The following ZNF33B variants were observed in gnomAD, a reference collection of about 807,000 sequenced individuals.
ZNF33B encodes the protein zinc finger protein 11b (KOX 2).
ZNF33B carries 29 observed loss-of-function variants against 45.8 expected under a neutral mutation model. The ratio of observed to expected loss-of-function variants is 0.63; its 90% CI spans 0.47 to 0.86. The LOEUF (loss-of-function observed/expected upper bound fraction) is 0.86, where lower values mean the gene tolerates loss of function less well. ZNF33B is among the 40% of genes least tolerant of loss of function. The pLI, the probability that ZNF33B is intolerant of heterozygous loss-of-function variation, is 0.00. For synonymous variants in ZNF33B, 305 were observed against 307.8 expected (o/e 0.99, Z 0.10); for missense variants, 831 against 909.9 (o/e 0.91, Z 1.12).
intron 4 of ZNF33B, among the ~76,000 whole-genome samples, chr10:42,606,993 T>TTTGAGCATG (rs1837888099): frequency 6.6e-6 from 1 of 152,160 alleles, no homozygotes; most frequent in Non-Finnish European, 1.5e-5. Flanking sequence ...AAGCATTTCC[T>TTTGAGCATG]TTGAGCATGT....
In ZNF33B at chr10:42,592,473, A is replaced by C. The variant is rs1837170553; in HGVS notation, c.*140T>G. ...GTTGTAGTCTATGGGTTTATCCCCT[A>C]CTGTTACTTTGGAGTAACATAAGGC... On this transcript the variant is annotated 3_prime_UTR_variant, in exon 5 of 5. Coordinates refer to ENST00000359467, the MANE Select transcript of ZNF33B (RefSeq NM_006955.3). 6 of 1,190,018 alleles carry C rather than the reference A, an allele frequency of 5.0e-6. No homozygotes were observed. In the South Asian group the frequency reaches 7.6e-5, roughly 15 times the overall value. The allele number at this position is 1,190,018 out of a possible 1,614,324, so 73.7% of individuals were successfully genotyped here. A position where few individuals can be genotyped will look rare whatever the true frequency, so the allele number is the denominator to read the frequency against.
intron 4 of ZNF33B, among the ~76,000 whole-genome samples, chr10:42,600,484 A>G (rs1362704065): frequency 1.3e-5 from 2 of 152,326 alleles, no homozygotes; most frequent in East Asian, 3.9e-4. Flanking sequence ...TGGCTGTCAC[A>G]GCACTGCAGC....
At chr10:42,634,156 G>A (rs1188956776) in intron 2 of ZNF33B, among the ~76,000 whole-genome samples, 3 of 152,090 alleles carry the variant, frequency 2.0e-5, no homozygotes, top group Non-Finnish European at 1.5e-5. Flanking sequence ...TGTAATCCTA[G>A]TACTTTGGGA....
At chr10:42,584,015 C>T (rs533927394) in intron 1 of ZNF33B, among the ~76,000 whole-genome samples, 16 of 152,290 alleles carry the variant, frequency 1.1e-4, no homozygotes, top group African/African-American at 3.6e-4. Flanking sequence ...AGCAGCTCTG[C>T]GCACAGGCCT....
chr10:42,636,206 T>C (rs1437801561), intron 2 of ZNF33B, among the ~76,000 whole-genome samples: 1 of 152,128 alleles, frequency 6.6e-6, no homozygotes, highest in Non-Finnish European at 1.5e-5. Context: ...AAAAGAAAAT[T>C]GGAACCTGTA....
In ZNF33B at chr10:42,620,569, T is replaced by G. The variant is rs1838528639; in HGVS notation, c.250+11360A>C. ...AGCGCACACCACCACACCCAACTATTTTTTTTTTTTTAATTTTTTTTGTAG... is the reference window on the plus strand; with the variant it reads ...AGCGCACACCACCACACCCAACTATGTTTTTTTTTTTAATTTTTTTTGTAG... On this transcript the variant is annotated intron_variant, in intron 4 of 4. Transcript: ENST00000359467. Among the ~76,000 whole-genome samples the G allele has an allele frequency of 2.8e-5, 4 of 142,890 alleles. No individual in the cohort carries two copies. The South Asian group carries it at 8.5e-4, about 30-fold the overall frequency. 93.7% of individuals were successfully genotyped at this position (142,890 alleles called of 152,430 possible).
chr10:42,576,948 C>A (rs1342239207), intron 1 of ZNF33B, among the ~76,000 whole-genome samples: 1 of 152,018 alleles, frequency 6.6e-6, no homozygotes, highest in East Asian at 1.9e-4. Flanking sequence ...GCCTGACCAA[C>A]AAGATGAAAC....
chr10:42,629,359 G>A (rs1838949166), intron 4 of ZNF33B, among the ~76,000 whole-genome samples: 1 of 152,106 alleles, frequency 6.6e-6, no homozygotes, highest in African/African-American at 2.4e-5. Context: ...TAGTTAGAAA[G>A]AATGAATAAG....
At chr10:42,588,964 T>G (rs1836993419), downstream of ZNF33B, 1 of 158,748 alleles carries the variant, frequency 6.3e-6, no homozygotes, top group Non-Finnish European at 1.4e-5. Context: ...GTCCTTAATT[T>G]CAGGTCACAG....
rs892442670 is a variant in ZNF33B at position 42,638,565 on chromosome 10, A to G, written c.-136T>C. The G allele has an allele frequency of 6.3e-6, 3 of 475,296 alleles. No individual in the cohort carries two copies. 29.4% of individuals were successfully genotyped at this position (475,296 alleles called of 1,614,324 possible). A position where few individuals can be genotyped will look rare whatever the true frequency, so the allele number is the denominator to read the frequency against. On this transcript the variant is annotated 5_prime_UTR_variant, in exon 1 of 5. Coordinates refer to ENST00000359467, the MANE Select transcript of ZNF33B (RefSeq NM_006955.3). ...CTCCCACGCAAAACGTGAGACAAACAAAAGGAAAGGCGGAAACGCAGAAAC... is the reference window on the plus strand; with the variant it reads ...CTCCCACGCAAAACGTGAGACAAACGAAAGGAAAGGCGGAAACGCAGAAAC...
At chr10:42,584,142 G>A (rs1323036887), downstream of ZNF33B, among the ~76,000 whole-genome samples, 1 of 152,248 alleles carries the variant, frequency 6.6e-6, no homozygotes, top group Non-Finnish European at 1.5e-5. Flanking sequence ...GTCCACCTGA[G>A]TTGTGCCAGG....
intron 1 of ZNF33B, among the ~76,000 whole-genome samples, chr10:42,575,849 C>T (rs1836741853): frequency 6.6e-6 from 1 of 151,540 alleles, no homozygotes; most frequent in Admixed American, 6.6e-5. Flanking sequence ...CGTGCCTCAG[C>T]CTCCCCAGTA....
At chr10:42,628,298 G>A (rs1271824104) in intron 4 of ZNF33B, among the ~76,000 whole-genome samples, 2 of 151,096 alleles carry the variant, frequency 1.3e-5, no homozygotes. Flanking sequence ...TTACAGGCGT[G>A]AGACACCGCA....
chr10:42,613,943 T>C (rs1333988344), intron 4 of ZNF33B, among the ~76,000 whole-genome samples: 2 of 152,202 alleles, frequency 1.3e-5, no homozygotes, highest in Non-Finnish European at 2.9e-5. Flanking sequence ...GCCTGGACCA[T>C]CTTGCAGTGA....
chr10:42,582,067 G>C (rs1216285921), intron 1 of ZNF33B: 1 of 152,472 alleles, frequency 6.6e-6, no homozygotes, highest in Non-Finnish European at 1.5e-5. Flanking sequence ...AGTGAGCCGA[G>C]ACCGCACCAT....
At position 42,589,611 on chromosome 10, in the gene ZNF33B, A is replaced by C. The variant is rs1837022140; in HGVS notation, c.*3002T>G. ...ATTTAGGGTTCCTATATGTCTTTTA[A>C]TGACTTGATGTCTAATTCTTTTTTA... On this transcript the variant is annotated 3_prime_UTR_variant, in exon 5 of 5. Coordinates refer to ENST00000359467, the MANE Select transcript of ZNF33B (RefSeq NM_006955.3). 6.6e-6 allele frequency: 1 copy of C among 152,192 alleles called. No homozygotes were observed. Among genetic ancestry groups the C allele is most frequent in the Admixed American group, 6.5e-5 (1 of 15,272 alleles). 9.4% of individuals were successfully genotyped at this position (152,192 alleles called of 1,614,324 possible). A position where few individuals can be genotyped will look rare whatever the true frequency, so the allele number is the denominator to read the frequency against.
At chr10:42,629,369 G>A (rs557650959) in intron 4 of ZNF33B, among the ~76,000 whole-genome samples, 1 of 152,220 alleles carries the variant, frequency 6.6e-6, no homozygotes, top group East Asian at 1.9e-4. Flanking sequence ...GAATGAATAA[G>A]ACCTAATATT....
chr10:42,625,301 T>C (rs1303504698), intron 4 of ZNF33B, among the ~76,000 whole-genome samples: 1 of 152,124 alleles, frequency 6.6e-6, no homozygotes, highest in Non-Finnish European at 1.5e-5. Flanking sequence ...ATACATATTT[T>C]GTTCAATTTA....
intron 4 of ZNF33B, among the ~76,000 whole-genome samples, chr10:42,613,176 T>A (rs1838170982): frequency 6.6e-6 from 1 of 152,178 alleles, no homozygotes; most frequent in Non-Finnish European, 1.5e-5. Context: ...TTGATAAAAT[T>A]ATAAAATTAT....
Sources: allele counts gnomAD v4.1 joint callset (sites outside exome capture counted in the v4.1 genomes callset), GRCh38; gene constraint gnomAD v4.1.1; transcripts MANE v1.5; gene names NCBI Gene and HGNC (gene_info 2026-07-23, HGNC 2026-07-21).